NOP10: variants seen among roughly 807,000 people sequenced by gnomAD.
The protein encoded by NOP10 is NOP10 ribonucleoprotein.
NOP10 carries 6 observed loss-of-function variants against 9.5 expected under a neutral mutation model. The observed-to-expected ratio is 0.63, with a 90% CI of 0.35 to 1.25. The LOEUF (loss-of-function observed/expected upper bound fraction) is 1.25, where lower values mean the gene tolerates loss of function less well. Among genes scored for constraint, NOP10 ranks in the 50% most tolerant of loss-of-function variants. The pLI is 0.03. For missense variants in NOP10, 75 were observed against 81.3 expected, an observed-to-expected ratio of 0.92 and a Z score of 0.30; for synonymous variants, 28 against 30.7, an observed-to-expected ratio of 0.91 and a Z score of 0.29.
At chr15:34,342,194 G>T (rs1245657916) in intron 1 of NOP10, 86 bp from the exon 2 acceptor site, 4 of 1,193,598 alleles carry the variant, frequency 3.4e-6, no homozygotes, top group Non-Finnish European at 5.0e-6. Context: ...CATGAAAATA[G>T]AAGATGCAAT....
Position 34,342,125 on chromosome 15 carries a change from G to GA in NOP10, c.55-18dup. The GA allele has an allele frequency of 6.2e-7, 1 of 1,613,638 alleles. No individual in the cohort carries two copies. Among genetic ancestry groups the GA allele is most frequent in the Non-Finnish European group, 8.5e-7 (1 of 1,179,596 alleles). ...GTCAAATTTCTGCTCCAGGAACACA[G>GA]AATGTATGTCAGTACAGGAGTGATG... On this transcript the variant is annotated splice_polypyrimidine_tract_variant and intron_variant, in intron 1 of 1. Coordinates refer to ENST00000328848, the MANE Select transcript of NOP10 (RefSeq NM_018648.4).
Position 34,342,003 on chromosome 15 carries a change from CCTTGAAGCGTTT to C in NOP10, c.148_159del (p.Lys50_Lys53del), listed in dbSNP as rs1473251629. On this transcript the variant is annotated inframe_deletion, in exon 2 of 2. Transcript: ENST00000328848. ...GGGCGCGGTTGCTGGGTCATGAGCA[CCTTGAAGCGTTT>C]CTTGATGGTGATTCGGTGTCGAGAG... The C allele has an allele frequency of 6.2e-7, 1 of 1,614,090 alleles. No individual in the cohort carries two copies. The highest frequency in any genetic ancestry group is 1.1e-5 in the South Asian group (1 of 91,090).
At position 34,342,999 on chromosome 15, in the gene NOP10, C is replaced by T. The variant is rs2169479; in HGVS notation, c.54+21G>A. The T allele has an allele frequency of 0.17, 280,850 of 1,606,784 alleles. 26,588 individuals carry two copies. The highest frequency in any genetic ancestry group is 0.19 in the Non-Finnish European group (226,569 of 1,173,364). On this transcript the variant is annotated intron_variant, in intron 1 of 1. Transcript: ENST00000328848. Reference sequence around the variant, plus strand: ...CTACATTTCTCGCCATGCCTATTTACACCCTGTTTTCTCTCCTCACCTTCA... The same window carrying T: ...CTACATTTCTCGCCATGCCTATTTATACCCTGTTTTCTCTCCTCACCTTCA...
chr15:34,343,099 A>G lies in NOP10; in HGVS notation c.-26T>C. ...GATCGCTTATAAGCCAGCGGTCCCAATTCGGTCCACCGCTCAGTCTGCAGT... is the reference window on the plus strand; with the variant it reads ...GATCGCTTATAAGCCAGCGGTCCCAGTTCGGTCCACCGCTCAGTCTGCAGT... On this transcript the variant is annotated 5_prime_UTR_variant, in exon 1 of 2. Coordinates refer to ENST00000328848, the MANE Select transcript of NOP10 (RefSeq NM_018648.4). The G allele has an allele frequency of 1.9e-6, 3 of 1,613,284 alleles. No homozygotes were observed. Among genetic ancestry groups the G allele is most frequent in the Non-Finnish European group, 1.7e-6 (2 of 1,179,228 alleles).
intron 1 of NOP10, among the ~76,000 whole-genome samples, 182 bp downstream of exon 1, chr15:34,342,838 C>A (rs2141230174): frequency 6.6e-6 from 1 of 152,242 alleles, no homozygotes; most frequent in East Asian, 1.9e-4. Flanking sequence ...GGAGCCACTG[C>A]GCCCCGCCAG....
intron 1 of NOP10, among the ~76,000 whole-genome samples, chr15:34,342,549 G>C (rs1385857865): frequency 7.6e-6 from 1 of 130,980 alleles, no homozygotes; most frequent in Non-Finnish European, 1.6e-5. Flanking sequence ...AGGCAACAAA[G>C]CGAGTCCCTG....
chr15:34,342,889 G>A, intron 1 of NOP10, 131 bp downstream of exon 1: 2 of 900,850 alleles, frequency 2.2e-6, no homozygotes, highest in South Asian at 1.3e-5. Context: ...CGCGGTCCCG[G>A]TTCTTCCCCA....
At chr15:34,342,296 G>C (rs1263815578) in intron 1 of NOP10, among the ~76,000 whole-genome samples, 188 bp from the exon 2 acceptor site, 1 of 152,108 alleles carries the variant, frequency 6.6e-6, no homozygotes, top group Non-Finnish European at 1.5e-5. Flanking sequence ...CTGGCACTTT[G>C]GGAGGTCGAG....
intron 1 of NOP10, among the ~76,000 whole-genome samples, chr15:34,342,629 C>A (rs1422742171): frequency 6.6e-6 from 1 of 151,596 alleles, no homozygotes; most frequent in Admixed American, 6.6e-5. Flanking sequence ...TCACTGCAAC[C>A]TCTGCCTCCC....
At chr15:34,342,321 T>G (rs1389373593) in intron 1 of NOP10, among the ~76,000 whole-genome samples, 2 of 152,000 alleles carry the variant, frequency 1.3e-5, no homozygotes, top group South Asian at 2.1e-4. Flanking sequence ...GAGGATGGTT[T>G]GAGACCAGCC....
At chr15:34,342,727 A>G (rs1392410610) in intron 1 of NOP10, among the ~76,000 whole-genome samples, 5 of 152,098 alleles carry the variant, frequency 3.3e-5, no homozygotes, top group African/African-American at 1.2e-4. Flanking sequence ...TTTGTATTTT[A>G]GTAGAAACGG....
At position 34,341,780 on chromosome 15, in the gene NOP10, C is replaced by A; in HGVS notation, c.*188G>T. 3.1e-6 allele frequency: 2 copies of A among 642,778 alleles called. No homozygotes were observed. Among genetic ancestry groups the A allele is most frequent in the South Asian group, 1.7e-5 (1 of 58,598 alleles). The allele number at this position is 642,778 out of a possible 1,614,324, so 39.8% of individuals were successfully genotyped here. ...AATTTAAAATATGAGAAAAAAAAGTCAAATGTGTTCCCTTTATGGGTGATG... is the reference window on the plus strand; with the variant it reads ...AATTTAAAATATGAGAAAAAAAAGTAAAATGTGTTCCCTTTATGGGTGATG... On this transcript the variant is annotated 3_prime_UTR_variant, in exon 2 of 2. Coordinates refer to ENST00000328848, the MANE Select transcript of NOP10 (RefSeq NM_018648.4).
At chr15:34,342,170 C>G (rs570843073) in intron 1 of NOP10, 62 bp from the exon 2 acceptor site, 1 of 1,414,800 alleles carries the variant, frequency 7.1e-7, no homozygotes, top group South Asian at 1.2e-5. Context: ...GGGGCCAGCG[C>G]GAAAAAGGGC....
chr15:34,342,136 A>G, intron 1 of NOP10, 28 bp from the exon 2 acceptor site: 1 of 1,612,618 alleles, frequency 6.2e-7, no homozygotes, highest in Non-Finnish European at 8.5e-7. Context: ...AATGTATGTC[A>G]GTACAGGAGT....
At chr15:34,342,564 TAAAAA>T (rs750902937) in intron 1 of NOP10, among the ~76,000 whole-genome samples, 13 of 102,752 alleles carry the variant, frequency 1.3e-4, no homozygotes, top group Admixed American at 1.2e-3. Flanking sequence ...TCCCTGTCTT[TAAAAA>T]AAAAAAAAAA....
Position 34,342,023 on chromosome 15 carries a change from G to A in NOP10, c.140C>T (p.Thr47Ile), listed in dbSNP as rs756732260. 6.2e-7 allele frequency: 1 copy of A among 1,614,124 alleles called. No individual in the cohort carries two copies. Among genetic ancestry groups the A allele is most frequent in the Non-Finnish European group, 8.5e-7 (1 of 1,180,014 alleles). The change falls in exon 2 of 2, where the codon ACC becomes ATC. Residue 47 changes from threonine (T) to isoleucine (I), a missense_variant. Transcript: ENST00000328848. Reference protein sequence around the residue: ...PDDKYSRHRITIKKRFKVLMT... With the variant: ...PDDKYSRHRIIIKKRFKVLMT... ...GAGCACCTTGAAGCGTTTCTTGATG[G>A]TGATTCGGTGTCGAGAGTATTTGTC... is the stretch of plus-strand genomic sequence containing the variant.
chr15:34,342,494 G>A (rs1890497388), intron 1 of NOP10, among the ~76,000 whole-genome samples: 1 of 151,464 alleles, frequency 6.6e-6, no homozygotes, highest in Non-Finnish European at 1.5e-5. Context: ...AGCCCAGGAG[G>A]CGGAGGTTGC....
At chr15:34,342,962 C>T (rs1162305589) in intron 1 of NOP10, 58 bp downstream of exon 1, 3 of 1,495,498 alleles carry the variant, frequency 2.0e-6, no homozygotes, top group Middle Eastern at 3.4e-4. Context: ...TGACCTCACC[C>T]ACTCCTCCCA....
chr15:34,343,040 C>G lies in NOP10; in HGVS notation c.34G>C (p.Asp12His), dbSNP rs146261631. The change falls in exon 1 of 2, where the codon GAT (aspartate) becomes CAT (histidine). Residue 12 changes from aspartate to histidine, a missense_variant. Physicochemically the swap from Asp to His is moderately conservative, Grantham distance 81. Coordinates refer to ENST00000328848, the MANE Select transcript of NOP10 (RefSeq NM_018648.4). ...FLQYYLNEQG[D>H]RVYTLKKFDP... ...CTCACCTTCAGCGTATAGACTCGAT[C>G]TCCCTGCTCGTTGAGGTAATACTGG... 0.011 allele frequency: 17,235 copies of G among 1,614,014 alleles called. 121 individuals are homozygous for G. Among genetic ancestry groups the G allele is most frequent in the Non-Finnish European group, 0.011 (13,558 of 1,179,878 alleles).
Sources: gnomAD v4.1 joint callset for allele counts (sites outside exome capture counted in the v4.1 genomes callset) on GRCh38, gnomAD v4.1.1 for gene constraint, MANE v1.5 for transcripts, NCBI Gene and HGNC (gene_info 2026-07-23, HGNC 2026-07-21) for gene names.